Variants in NGF observed in about 807,000 individuals in gnomAD.
NGF encodes nerve growth factor, also known as beta-nerve growth factor.
NGF carries 4 observed loss-of-function variants against 12.8 expected under a neutral mutation model. That is an observed-to-expected ratio of 0.31 (90% CI 0.15 to 0.72). The LOEUF (loss-of-function observed/expected upper bound fraction) is 0.72. Ranked by LOEUF, NGF falls within the 30% of genes least tolerant of loss-of-function variation. The pLI is 0.69. For missense variants in NGF, 283 were observed against 330.8 expected (o/e 0.86, Z 1.12); for synonymous variants, 140 against 130.0 (o/e 1.08, Z -0.52).
At chr1:115,298,447 C>T (rs539230187) in intron 1 of NGF, among the ~76,000 whole-genome samples, 6 of 152,228 alleles carry the variant, frequency 3.9e-5, no homozygotes, top group Admixed American at 2.6e-4. Context: ...GGAATAGTTA[C>T]AGCCAGGAAG....
intron 1 of NGF, among the ~76,000 whole-genome samples, chr1:115,314,112 CT>C (rs1654407121): frequency 1.3e-5 from 2 of 152,188 alleles, no homozygotes; most frequent in Non-Finnish European, 2.9e-5. Context: ...TGGTTTGATT[CT>C]GTAGAAGTGT....
At chr1:115,328,341 G>A (rs1340039432) in intron 1 of NGF, among the ~76,000 whole-genome samples, 2 of 152,178 alleles carry the variant, frequency 1.3e-5, no homozygotes, top group Non-Finnish European at 2.9e-5. Flanking sequence ...CCCTAAGGTA[G>A]AATCTTGGTG....
Position 115,286,209 on chromosome 1 carries a change from T to G in NGF, c.587A>C (p.His196Pro). The G allele has an allele frequency of 6.2e-7, 1 of 1,614,104 alleles. No individual in the cohort carries two copies. Among genetic ancestry groups the G allele is most frequent in the Non-Finnish European group, 8.5e-7 (1 of 1,180,008 alleles). The change falls in exon 3 of 3, where the codon CAC becomes CCC. Residue 196 changes from histidine (H) to proline (P), a missense_variant. His to Pro is a moderately conservative substitution (Grantham distance 77). Around this residue, in one of 2 missense-constraint regions of NGF, gnomAD observed 132 missense variants for 189.2 expected, o/e 0.70. Transcript: ENST00000369512. Reference protein sequence around the residue: ...DSGCRGIDSKHWNSYCTTTHT... With the variant: ...DSGCRGIDSKPWNSYCTTTHT... ...AGTCGTGGTACAATATGAGTTCCAG[T>G]GCTTTGAGTCAATGCCCCGGCACCC... is the stretch of plus-strand genomic sequence containing the variant.
rs765918245 is a variant in NGF, at chr1:115,286,550, G to A, written c.246C>T (p.Leu82=). ...TGCTAAACAGCACACGGGGTGAACG[G>A]AGTCGCCGCTTTTTAAACAGCCTGG... ...VDPRLFKKRR[L]RSPRVLFSTQ... The change falls in exon 3 of 3, where the codon CTC becomes CTT. Residue 82 remains leucine, a synonymous_variant. Transcript: ENST00000369512. 9 of 1,614,100 alleles carry A rather than the reference G, an allele frequency of 5.6e-6. No individual in the cohort carries two copies. The East Asian group carries it at 8.9e-5, about 16-fold the overall frequency.
intron 1 of NGF, among the ~76,000 whole-genome samples, chr1:115,295,216 A>T (rs1346430420): frequency 2.6e-5 from 4 of 152,172 alleles, no homozygotes; most frequent in Non-Finnish European, 5.9e-5. Context: ...GGAGGTAGCA[A>T]GGACCTCTAA....
intron 1 of NGF, among the ~76,000 whole-genome samples, chr1:115,311,868 G>C (rs549578997): frequency 6.6e-6 from 1 of 152,266 alleles, no homozygotes; most frequent in Non-Finnish European, 1.5e-5. Context: ...TGAAATTTAT[G>C]AAAGGAAGTT....
chr1:115,331,883 T>A (rs1654930676), intron 1 of NGF, among the ~76,000 whole-genome samples: 1 of 152,314 alleles, frequency 6.6e-6, no homozygotes, highest in African/African-American at 2.4e-5. Flanking sequence ...ATAAGGATGC[T>A]AATTGAGAGA....
chr1:115,333,094 C>G (rs1183430685), intron 1 of NGF, among the ~76,000 whole-genome samples: 1 of 152,168 alleles, frequency 6.6e-6, no homozygotes, highest in Non-Finnish European at 1.5e-5. Flanking sequence ...CCCCCACCCC[C>G]TAACCTGGGC....
chr1:115,290,633 T>C (rs957494699), intron 2 of NGF, among the ~76,000 whole-genome samples: 5 of 152,128 alleles, frequency 3.3e-5, no homozygotes, highest in Non-Finnish European at 4.4e-5. Context: ...GATCTCGTGA[T>C]CCGCCCCCTC....
intron 1 of NGF, among the ~76,000 whole-genome samples, chr1:115,314,658 A>G (rs1452092244): frequency 6.6e-6 from 1 of 152,228 alleles, no homozygotes; most frequent in Non-Finnish European, 1.5e-5. Context: ...CAAACAGCTA[A>G]GCTGAAATAC....
In NGF at chr1:115,293,342, G is replaced by A. The variant is rs11466099; in HGVS notation, c.-13+285C>T. Among the ~76,000 whole-genome samples the A allele has an allele frequency of 7.1e-3, 1,086 of 152,304 alleles. 9 individuals are homozygous for A. The highest frequency in any genetic ancestry group is 0.033 in the South Asian group (161 of 4,830). On this transcript the variant is annotated intron_variant, in intron 2 of 2. Coordinates refer to ENST00000369512, the MANE Select transcript of NGF (RefSeq NM_002506.3). Reference sequence around the variant, plus strand: ...GAGTTGTGTGGAGGGTCTGACTGACGCTGTCTATTCGAGGTCCTGTGTTCG... The same window carrying A: ...GAGTTGTGTGGAGGGTCTGACTGACACTGTCTATTCGAGGTCCTGTGTTCG...
At chr1:115,323,407 GA>G (rs1654682076) in intron 1 of NGF, among the ~76,000 whole-genome samples, 1 of 152,146 alleles carries the variant, frequency 6.6e-6, no homozygotes, top group South Asian at 2.1e-4. Flanking sequence ...TTTTGTGAAT[GA>G]AAAGACAAAG....
At chr1:115,287,191 G>GA (rs1457352861) in intron 2 of NGF, among the ~76,000 whole-genome samples, 1 of 152,178 alleles carries the variant, frequency 6.6e-6, no homozygotes, top group Non-Finnish European at 1.5e-5. Context: ...GGTGGGGAGA[G>GA]TTTAACATCT....
chr1:115,295,496 G>T (rs1431898509), intron 1 of NGF, among the ~76,000 whole-genome samples: 1 of 152,128 alleles, frequency 6.6e-6, no homozygotes, highest in Non-Finnish European at 1.5e-5. Flanking sequence ...AGGGTAAGAG[G>T]TGGGCATTAT....
chr1:115,291,223 A>G (rs1653684614), intron 2 of NGF, among the ~76,000 whole-genome samples: 1 of 151,514 alleles, frequency 6.6e-6, no homozygotes, highest in Non-Finnish European at 1.5e-5. Context: ...GTTCCTATAA[A>G]CTTTTAAGTT....
chr1:115,294,022 G>T (rs867758251), intron 1 of NGF, among the ~76,000 whole-genome samples: 9 of 152,206 alleles, frequency 5.9e-5, no homozygotes, highest in African/African-American at 1.4e-4. Context: ...TGCACCTAGT[G>T]CAGGTGTTTC....
At chr1:115,337,774 C>G in intron 1 of NGF, among the ~76,000 whole-genome samples, 1 of 152,160 alleles carries the variant, frequency 6.6e-6, no homozygotes, top group East Asian at 1.9e-4. Flanking sequence ...CTGCGCTCCC[C>G]CCGCGGTGCT....
intron 1 of NGF, among the ~76,000 whole-genome samples, chr1:115,315,965 T>C (rs1465765046): frequency 6.6e-6 from 1 of 152,214 alleles, no homozygotes; most frequent in African/African-American, 2.4e-5. Flanking sequence ...TTGTCAAGCA[T>C]ACACTTGGCA....
At chr1:115,322,826 G>T (rs1354485396) in intron 1 of NGF, among the ~76,000 whole-genome samples, 1 of 152,082 alleles carries the variant, frequency 6.6e-6, no homozygotes, top group African/African-American at 2.4e-5. Context: ...TGCATTCCTT[G>T]CATGGGACTC....
Sources: gnomAD v4.1 joint callset for allele counts (sites outside exome capture counted in the v4.1 genomes callset) on GRCh38, gnomAD v4.1.1 for gene constraint, gnomAD v4.1.1 regional missense constraint, MANE v1.5 for transcripts, NCBI Gene and HGNC (gene_info 2026-07-23, HGNC 2026-07-21) for gene names.